SEMA5B: variants seen among roughly 807,000 people sequenced by gnomAD.
The protein encoded by SEMA5B is semaphorin 5B.
A neutral mutation model predicts 135.0 loss-of-function variants in SEMA5B; 66 were observed. The observed-to-expected ratio is 0.49, with a 90% confidence interval of 0.40 to 0.60. SEMA5B has a LOEUF of 0.60. Among genes scored for constraint, SEMA5B ranks in the 20% least tolerant of loss-of-function variants. The pLI, the probability that SEMA5B is intolerant of heterozygous loss-of-function variation, is 0.00. For synonymous variants in SEMA5B, 690 were observed against 639.5 expected (o/e 1.08, Z -1.19); for missense variants, 1,501 against 1,566.3 (o/e 0.96, Z 0.70).
At chr3:122,968,942 T>C (rs1231601855) in intron 1 of SEMA5B, among the ~76,000 whole-genome samples, 1 of 152,210 alleles carries the variant, frequency 6.6e-6, no homozygotes, top group Non-Finnish European at 1.5e-5. Flanking sequence ...AATGCTTACG[T>C]CTGACTCAAT....
chr3:123,015,985 A>G (rs1942545783), intron 1 of SEMA5B, among the ~76,000 whole-genome samples: 1 of 152,216 alleles, frequency 6.6e-6, no homozygotes, highest in Admixed American at 6.5e-5. Context: ...ACAGGGACTC[A>G]TAGGCCTCAG....
chr3:123,002,834 T>G (rs1942214054), intron 1 of SEMA5B, among the ~76,000 whole-genome samples: 1 of 152,190 alleles, frequency 6.6e-6, no homozygotes, highest in Non-Finnish European at 1.5e-5. Flanking sequence ...AGTCAGAAAA[T>G]TAAACTTCAA....
chr3:122,965,294 G>C (rs1299967060), intron 1 of SEMA5B, among the ~76,000 whole-genome samples: 1 of 152,196 alleles, frequency 6.6e-6, no homozygotes, highest in Non-Finnish European at 1.5e-5. Context: ...ACATTGCACA[G>C]AGTGGCAATG....
rs139399819 is a variant in SEMA5B, at chr3:122,968,119, A to T, written c.-38-6818T>A. On this transcript the variant is annotated intron_variant, in intron 1 of 22. Coordinates refer to ENST00000357599, the MANE Select transcript of SEMA5B (RefSeq NM_001031702.4). ...CCAGAAAACTGTAAATCCAAAAATC[A>T]ATTGGTCTTCATGTCACCACATTAT... Among the ~76,000 whole-genome samples the T allele has an allele frequency of 4.7e-3, 720 of 152,272 alleles. 3 individuals are homozygous for T. Among genetic ancestry groups the T allele is most frequent in the African/African-American group, 0.017 (692 of 41,550 alleles).
chr3:123,011,379 C>T (rs1270643840), intron 1 of SEMA5B, among the ~76,000 whole-genome samples: 2 of 152,222 alleles, frequency 1.3e-5, no homozygotes, highest in East Asian at 3.9e-4. Flanking sequence ...TGAGCAAGGT[C>T]AGGGTTGTGC....
Position 122,948,533 on chromosome 3 carries a change from TA to T in SEMA5B, c.300del (p.Ser101AlafsTer89). 1 of 1,608,098 alleles carries T rather than the reference TA, an allele frequency of 6.2e-7. No homozygotes were observed. Among genetic ancestry groups the T allele is most frequent in the Non-Finnish European group, 8.5e-7 (1 of 1,175,736 alleles). On this transcript the variant is annotated frameshift_variant, in exon 3 of 23. Transcript: ENST00000357599. LOFTEE classifies it high-confidence loss of function. ...EPSSEQQLCA[L>X]SKHPTVAFED... ...TCAAAGGCCACGGTGGGGTGCTTGC[TA>T]AGGGCGCACAGCTGCTGCTCACTGC...
rs72970566 is a variant in SEMA5B, at chr3:122,964,687, G to A, written c.-38-3386C>T. Among the ~76,000 whole-genome samples, 733 of 152,284 alleles carry A rather than the reference G, an allele frequency of 4.8e-3. 17 individuals are homozygous for A. The South Asian group carries it at 0.065, about 13-fold the overall frequency. On this transcript the variant is annotated intron_variant, in intron 1 of 22. Coordinates refer to ENST00000357599, the MANE Select transcript of SEMA5B (RefSeq NM_001031702.4). ...CGCTCTTCCTGGGTTGCCCTAGCCA[G>A]CTTTCTCCCTTTACCCTTTGCTGGT...
intron 5 of SEMA5B, among the ~76,000 whole-genome samples, chr3:122,935,776 C>T (rs967133884): frequency 1.4e-5 from 2 of 146,238 alleles, no homozygotes; most frequent in African/African-American, 2.6e-5. Context: ...CTGCAACCTC[C>T]GCCTCTTGGG....
intron 3 of SEMA5B, among the ~76,000 whole-genome samples, chr3:122,947,703 T>C (rs1939852389): frequency 6.6e-6 from 1 of 152,140 alleles, no homozygotes; most frequent in African/African-American, 2.4e-5. Context: ...CCAACAGGGT[T>C]ACTATGAGGA....
Position 122,922,458 on chromosome 3 carries a change from G to T in SEMA5B, c.1273-11C>A. 1 of 1,582,672 alleles carries T rather than the reference G, an allele frequency of 6.3e-7. No individual in the cohort carries two copies. Among genetic ancestry groups the T allele is most frequent in the African/African-American group, 1.3e-5 (1 of 74,298 alleles). ...AGGCAGGGTGCCACACTGCCGCGGG[G>T]AGCCAGGTCACGCGCGCCCCGGCCA... On this transcript the variant is annotated splice_polypyrimidine_tract_variant and intron_variant, in intron 10 of 22. Transcript: ENST00000357599.
chr3:122,946,834 G>A (rs998031002), intron 3 of SEMA5B, among the ~76,000 whole-genome samples: 5 of 152,150 alleles, frequency 3.3e-5, no homozygotes, highest in Non-Finnish European at 7.3e-5. Context: ...AAGGGGAGAG[G>A]GGCATTCCTT....
chr3:123,020,127 G>A (rs1942644447), intron 1 of SEMA5B, among the ~76,000 whole-genome samples: 1 of 152,182 alleles, frequency 6.6e-6, no homozygotes, highest in Non-Finnish European at 1.5e-5. Flanking sequence ...AAAGATTAAT[G>A]TGCAAGGATG....
chr3:122,917,679 G>A (rs776276470), intron 12 of SEMA5B, among the ~76,000 whole-genome samples: 4 of 152,154 alleles, frequency 2.6e-5, no homozygotes, highest in Non-Finnish European at 2.9e-5. Context: ...TCATATAAGC[G>A]AGGCAATCAT....
intron 1 of SEMA5B, among the ~76,000 whole-genome samples, chr3:122,969,264 G>T (rs117488714): frequency 6.6e-6 from 1 of 152,114 alleles, no homozygotes. Flanking sequence ...ATGCCAAAGC[G>T]CATGCTTTTA....
Position 122,997,523 on chromosome 3 carries a change from C to CCTA in SEMA5B, c.-39+29940_-39+29941insTAG, listed in dbSNP as rs1553785298. ...CTGGCTGGTCCCCAGGCCTCTCCCC[C>CCTA]CCCCGTCTCCACCAGGGCATGTTGG... On this transcript the variant is annotated intron_variant, in intron 1 of 22. Transcript: ENST00000357599. 1.2e-3 allele frequency among the ~76,000 whole-genome samples: 178 copies of CCTA among 151,968 alleles called. 1 individual carries two copies. Among genetic ancestry groups the CCTA allele is most frequent in the African/African-American group, 4.2e-3 (176 of 41,422 alleles).
chr3:122,915,637 G>T lies in SEMA5B; in HGVS notation c.1807-16C>A. ...CATTCCGCACCTGAAGACACACATG[G>T]GAGACAGTACCCCTATTACCCAAGC... On this transcript the variant is annotated splice_polypyrimidine_tract_variant and intron_variant, in intron 13 of 22. Coordinates refer to ENST00000357599, the MANE Select transcript of SEMA5B (RefSeq NM_001031702.4). 1 of 1,606,992 alleles carries T rather than the reference G, an allele frequency of 6.2e-7. No individual in the cohort carries two copies. Among genetic ancestry groups the T allele is most frequent in the Non-Finnish European group, 8.5e-7 (1 of 1,174,878 alleles).
At chr3:123,026,762 A>G (rs1164101121) in intron 1 of SEMA5B, among the ~76,000 whole-genome samples, 6 of 152,184 alleles carry the variant, frequency 3.9e-5, no homozygotes, top group Non-Finnish European at 8.8e-5. Flanking sequence ...ACCATGAGAA[A>G]CATAAATCGG....
At chr3:123,012,039 G>T (rs144412389) in intron 1 of SEMA5B, among the ~76,000 whole-genome samples, 4 of 152,168 alleles carry the variant, frequency 2.6e-5, no homozygotes, top group African/African-American at 9.7e-5. Context: ...GCCCAGTCAC[G>T]TGGAAAGAGC....
rs1452839143 is a variant in SEMA5B, at chr3:122,911,058, A to G, written c.3092-13T>C. 5.0e-6 allele frequency: 8 copies of G among 1,602,802 alleles called. No individual in the cohort carries two copies. Among genetic ancestry groups the G allele is most frequent in the African/African-American group, 1.3e-5 (1 of 74,784 alleles). ...ATGAGATTGAACCCTAGGGGAAGAG[A>G]GGCAGGTAGTAAGATGAGGGCCACT... is the stretch of plus-strand genomic sequence containing the variant. On this transcript the variant is annotated splice_polypyrimidine_tract_variant and intron_variant, in intron 21 of 22. Coordinates refer to ENST00000357599, the MANE Select transcript of SEMA5B (RefSeq NM_001031702.4).
Sources: gnomAD v4.1 joint callset for allele counts (sites outside exome capture counted in the v4.1 genomes callset) on GRCh38, gnomAD v4.1.1 for gene constraint, MANE v1.5 for transcripts, NCBI Gene and HGNC (gene_info 2026-07-23, HGNC 2026-07-21) for gene names.